The following SLC44A1 variants were observed in gnomAD, a reference collection of about 807,000 sequenced individuals.
SLC44A1 encodes the protein choline transporter-like protein 1.
SLC44A1 carries 26 observed loss-of-function variants against 79.3 expected under a neutral mutation model. That is an observed-to-expected ratio of 0.33 (90% CI 0.24 to 0.46). The LOEUF (loss-of-function observed/expected upper bound fraction) is 0.46, where lower values mean the gene tolerates loss of function less well. SLC44A1 is among the 20% of genes least tolerant of loss of function. The pLI is 1.00. For missense variants in SLC44A1, 688 were observed against 798.1 expected, an observed-to-expected ratio of 0.86 and a Z score of 1.66; for synonymous variants, 263 against 286.2, an observed-to-expected ratio of 0.92 and a Z score of 0.82.
chr9:105,253,530 C>G (rs1167829398), intron 1 of SLC44A1, among the ~76,000 whole-genome samples: 1 of 152,088 alleles, frequency 6.6e-6, no homozygotes, highest in East Asian at 1.9e-4. Flanking sequence ...GAGTTCTAGA[C>G]CATCCTGGGC....
At chr9:105,363,785 A>G (rs1051607811) in intron 9 of SLC44A1, among the ~76,000 whole-genome samples, 1 of 152,198 alleles carries the variant, frequency 6.6e-6, no homozygotes, top group Admixed American at 6.5e-5. Context: ...ATTTTTTAGA[A>G]CATCCTAGCA....
In SLC44A1 at chr9:105,365,592, A is replaced by C. The variant is rs200282835; in HGVS notation, c.1363A>C (p.Ile455Leu). The change falls in exon 11 of 16, where the codon ATT becomes CTT. Residue 455 changes from isoleucine (I) to leucine (L), a missense_variant. Ile to Leu is a conservative substitution (Grantham distance 5). Coordinates refer to ENST00000374720, the MANE Select transcript of SLC44A1 (RefSeq NM_080546.5). The part of the protein sequence containing the change: ...KGSFIITLVK[I>L]PRMILMYIHS... ...ATCTTTCATTATCACATTAGTCAAA[A>C]TTCCGCGAATGATCCTTATGTATAT... 3.0e-5 allele frequency: 48 copies of C among 1,613,888 alleles called. No homozygotes were observed. In the East Asian group the frequency reaches 6.0e-4, roughly 20 times the overall value.
intron 13 of SLC44A1, among the ~76,000 whole-genome samples, chr9:105,379,961 AT>A (rs1006016150): frequency 3.3e-5 from 5 of 152,170 alleles, no homozygotes; most frequent in African/African-American, 1.2e-4. Flanking sequence ...TATAAATGCT[AT>A]TTTATTTGTA....
At chr9:105,416,987 G>A (rs986741879) in intron 15 of SLC44A1, among the ~76,000 whole-genome samples, 2 of 152,184 alleles carry the variant, frequency 1.3e-5, no homozygotes, top group Non-Finnish European at 2.9e-5. Flanking sequence ...TAGCATTCTG[G>A]TAATTACATT....
chr9:105,368,874 C>T (rs1828018664), intron 12 of SLC44A1, among the ~76,000 whole-genome samples: 1 of 152,050 alleles, frequency 6.6e-6, no homozygotes, highest in African/African-American at 2.4e-5. Context: ...CCCATCTCTA[C>T]TAAAAATACA....
At chr9:105,411,881 G>A (rs1436951087) in intron 15 of SLC44A1, among the ~76,000 whole-genome samples, 2 of 152,100 alleles carry the variant, frequency 1.3e-5, no homozygotes, top group East Asian at 1.9e-4. Flanking sequence ...TTTGGCTAAG[G>A]TGGATCTTCC....
Position 105,307,570 on chromosome 9 carries a change from G to A in SLC44A1, c.127-2154G>A, listed in dbSNP as rs185171792. ...GATGCAGGAGAATCGCTTGAACCTG[G>A]AAGGCAGAGGTTGCAGTGAGCCGAG... On this transcript the variant is annotated intron_variant, in intron 2 of 15. Coordinates refer to ENST00000374720, the MANE Select transcript of SLC44A1 (RefSeq NM_080546.5). 5.3e-5 allele frequency among the ~76,000 whole-genome samples: 8 copies of A among 151,770 alleles called. No homozygotes were observed. The East Asian group carries it at 1.5e-3, about 29-fold the overall frequency.
chr9:105,385,931 C>A, intron 15 of SLC44A1: 1 of 985,196 alleles, frequency 1.0e-6, no homozygotes, highest in African/African-American at 1.7e-5. Flanking sequence ...AATTCATACT[C>A]CCCCTTTTAA....
intron 2 of SLC44A1, among the ~76,000 whole-genome samples, chr9:105,300,623 C>T (rs773439565): frequency 4.6e-5 from 7 of 151,998 alleles, no homozygotes; most frequent in Non-Finnish European, 1.0e-4. Context: ...ATAAAAGCAC[C>T]GTTTCACCAA....
At chr9:105,288,415 T>G (rs1272293862) in intron 1 of SLC44A1, among the ~76,000 whole-genome samples, 1 of 152,152 alleles carries the variant, frequency 6.6e-6, no homozygotes, top group Non-Finnish European at 1.5e-5. Context: ...GTGGCATGAT[T>G]ACGGCCCACT....
At chr9:105,296,546 C>T (rs327991) in intron 1 of SLC44A1, among the ~76,000 whole-genome samples, 23,092 of 152,172 alleles carry the variant, frequency 0.15, 2,449 homozygotes, top group African/African-American at 0.3. Context: ...AGGCTTCTCC[C>T]TTTCTTCCCT....
intron 1 of SLC44A1, among the ~76,000 whole-genome samples, chr9:105,246,190 C>T (rs1226105691): frequency 6.6e-6 from 1 of 152,086 alleles, no homozygotes; most frequent in Non-Finnish European, 1.5e-5. Context: ...AAGCTAGCAT[C>T]TGTGATAATG....
At position 105,265,074 on chromosome 9, in the gene SLC44A1, G is replaced by T. The variant is rs567427391; in HGVS notation, c.36+20170G>T. Among the ~76,000 whole-genome samples, 10 of 152,308 alleles carry T rather than the reference G, an allele frequency of 6.6e-5. No homozygotes were observed. The East Asian group carries it at 1.7e-3, about 26-fold the overall frequency. On this transcript the variant is annotated intron_variant, in intron 1 of 15. Transcript: ENST00000374720. Reference sequence around the variant, plus strand: ...GCCTTCCAAAGTGCTGGGATTACAGGTGTGAGCCACCGTGCCAGGCCCATT... The same window carrying T: ...GCCTTCCAAAGTGCTGGGATTACAGTTGTGAGCCACCGTGCCAGGCCCATT...
In SLC44A1 at chr9:105,394,075, CTG is replaced by C; in HGVS notation, c.*5022_*5023del. ...TTTCCTTCAAATGCACATCACATGT[CTG>C]TGAACACTCAAAATGCTCATAGAAT... On this transcript the variant is annotated 3_prime_UTR_variant, in exon 16 of 16. Transcript: ENST00000374720. 7.1e-6 allele frequency: 7 copies of C among 985,248 alleles called. No homozygotes were observed. The highest frequency in any genetic ancestry group is 8.4e-6 in the Non-Finnish European group (7 of 829,758). 61.0% of individuals were successfully genotyped at this position (985,248 alleles called of 1,614,324 possible).
intron 1 of SLC44A1, among the ~76,000 whole-genome samples, chr9:105,278,925 T>C (rs1296002579): frequency 6.6e-6 from 1 of 152,168 alleles, no homozygotes; most frequent in Non-Finnish European, 1.5e-5. Context: ...TGTGAGCCAA[T>C]GTGACTTCAC....
intron 1 of SLC44A1, among the ~76,000 whole-genome samples, chr9:105,272,253 A>AT (rs1220517859): frequency 6.6e-5 from 10 of 152,222 alleles, no homozygotes; most frequent in Middle Eastern, 6.8e-3. Context: ...GTAGATATTC[A>AT]TTTTTTTGTC....
chr9:105,399,130 C>A (rs1380994110), downstream of SLC44A1, among the ~76,000 whole-genome samples: 2 of 152,128 alleles, frequency 1.3e-5, no homozygotes, highest in Non-Finnish European at 2.9e-5. Flanking sequence ...ATTTGATGTG[C>A]CTCATTTACT....
intron 15 of SLC44A1, among the ~76,000 whole-genome samples, chr9:105,405,942 C>G (rs1472087631): frequency 1.3e-5 from 2 of 152,060 alleles, no homozygotes; most frequent in Non-Finnish European, 2.9e-5. Context: ...TAGGAAATGT[C>G]CAAGGCCACA....
At chr9:105,266,230 G>A (rs938936397) in intron 1 of SLC44A1, among the ~76,000 whole-genome samples, 1 of 152,132 alleles carries the variant, frequency 6.6e-6, no homozygotes, top group African/African-American at 2.4e-5. Flanking sequence ...ACCTCTCAAA[G>A]TGCTGAGATT....
Sources: allele counts gnomAD v4.1 joint callset (sites outside exome capture counted in the v4.1 genomes callset), GRCh38; gene constraint gnomAD v4.1.1; transcripts MANE v1.5; gene names NCBI Gene and HGNC (gene_info 2026-07-23, HGNC 2026-07-21).